DOK5: variants seen among roughly 807,000 people sequenced by gnomAD.
The protein encoded by DOK5 is downstream of tyrosine kinase 5.
DOK5 carries 27 observed loss-of-function variants against 43.3 expected under a neutral mutation model. That is an observed-to-expected ratio of 0.62 (90% CI 0.46 to 0.86). DOK5 has a LOEUF of 0.86. DOK5 is among the 40% of genes least tolerant of loss of function. The pLI, the probability that DOK5 is intolerant of heterozygous loss-of-function variation, is 0.00. For missense variants in DOK5, 373 were observed against 392.9 expected (o/e 0.95, Z 0.43); for synonymous variants, 146 against 140.1 (o/e 1.04, Z -0.30).
chr20:54,556,576 A>G (rs1257750712), intron 2 of DOK5, among the ~76,000 whole-genome samples: 1 of 152,238 alleles, frequency 6.6e-6, no homozygotes, highest in Non-Finnish European at 1.5e-5. Flanking sequence ...TTATAACAAG[A>G]TGGCGAGCAA....
intron 2 of DOK5, among the ~76,000 whole-genome samples, chr20:54,580,243 A>T (rs537235562): frequency 6.6e-6 from 1 of 152,338 alleles, no homozygotes; most frequent in South Asian, 2.1e-4. Flanking sequence ...TTATCCATTT[A>T]TCTGTCAATG....
intron 2 of DOK5, among the ~76,000 whole-genome samples, chr20:54,580,759 T>G (rs561956491): frequency 8.5e-4 from 130 of 152,306 alleles, no homozygotes; most frequent in Non-Finnish European, 1.3e-3. Flanking sequence ...TACGAATTTC[T>G]TATATATTTT....
intron 1 of DOK5, among the ~76,000 whole-genome samples, chr20:54,528,899 G>T (rs1341770204): frequency 6.6e-6 from 1 of 152,186 alleles, no homozygotes; most frequent in African/African-American, 2.4e-5. Flanking sequence ...GAAAACCTAA[G>T]TGGAGTTGTG....
intron 2 of DOK5, among the ~76,000 whole-genome samples, chr20:54,567,054 C>T (rs1056156232): frequency 2.7e-5 from 4 of 150,638 alleles, no homozygotes; most frequent in East Asian, 1.9e-4. Context: ...GGAGTGTGTG[C>T]GTTTGTGTGT....
chr20:54,501,525 A>G (rs1028811966), intron 1 of DOK5, among the ~76,000 whole-genome samples: 2 of 151,268 alleles, frequency 1.3e-5, no homozygotes, highest in Non-Finnish European at 2.9e-5. Flanking sequence ...TAAATCTGGC[A>G]GTGGGCCACA....
chr20:54,646,248 G>GTTTTTTGTTTTTTTTTTTTTTT (rs1979415549), intron 7 of DOK5, among the ~76,000 whole-genome samples: 1 of 79,922 alleles, frequency 1.3e-5, no homozygotes, highest in African/African-American at 5.3e-5. Flanking sequence ...TGGTTATACT[G>GTTTTTTGTTTTTTTTTTTTTTT]TTTTTTTTTT....
At chr20:54,572,636 CT>C (rs1311139405) in intron 2 of DOK5, among the ~76,000 whole-genome samples, 11 of 151,980 alleles carry the variant, frequency 7.2e-5, no homozygotes, top group Admixed American at 1.3e-4. Context: ...ATCATAATAT[CT>C]TTTTTTTAAG....
intron 2 of DOK5, among the ~76,000 whole-genome samples, chr20:54,573,454 G>C (rs572344119): frequency 2.0e-4 from 30 of 152,088 alleles, no homozygotes; most frequent in Non-Finnish European, 4.3e-4. Flanking sequence ...TTGGGAGGCC[G>C]AGGCAGGCAG....
At chr20:54,607,917 AAAACAAAAC>A (rs1295404014) in intron 5 of DOK5, among the ~76,000 whole-genome samples, 1 of 151,898 alleles carries the variant, frequency 6.6e-6, no homozygotes, top group Non-Finnish European at 1.5e-5. Context: ...AAAACAAAAC[AAAACAAAAC>A]AAAGTGGGCA....
At chr20:54,607,955 C>A (rs1381039060) in intron 5 of DOK5, among the ~76,000 whole-genome samples, 1 of 151,876 alleles carries the variant, frequency 6.6e-6, no homozygotes, top group Non-Finnish European at 1.5e-5. Context: ...GAGTGATTTT[C>A]CAAGAGTAAA....
chr20:54,552,569 ATTTAC>A (rs1189479975), intron 1 of DOK5, among the ~76,000 whole-genome samples: 6 of 152,090 alleles, frequency 3.9e-5, no homozygotes, highest in East Asian at 1.9e-4. Flanking sequence ...TATGTGTACC[ATTTAC>A]TTTATATAGC....
chr20:54,629,009 A>G (rs6023429), intron 6 of DOK5, among the ~76,000 whole-genome samples: 66,420 of 152,064 alleles, frequency 0.44, 17,752 homozygotes, highest in African/African-American at 0.74. Context: ...AAGCATACTT[A>G]ATATTCATGA....
intron 1 of DOK5, among the ~76,000 whole-genome samples, chr20:54,516,737 A>C (rs1401512094): frequency 6.6e-6 from 1 of 152,196 alleles, no homozygotes; most frequent in African/African-American, 2.4e-5. Flanking sequence ...TCAACTACTA[A>C]ATAGGTACTA....
At chr20:54,593,827 G>A (rs1187800116) in intron 5 of DOK5, among the ~76,000 whole-genome samples, 1 of 152,204 alleles carries the variant, frequency 6.6e-6, no homozygotes, top group African/African-American at 2.4e-5. Context: ...AAAAAAGAAT[G>A]AATCACGTCC....
At chr20:54,594,948 A>G (rs1253528418) in intron 5 of DOK5, among the ~76,000 whole-genome samples, 1 of 152,230 alleles carries the variant, frequency 6.6e-6, no homozygotes, top group Non-Finnish European at 1.5e-5. Context: ...TAAGTGCTGT[A>G]GGAAACCATA....
At chr20:54,486,222 C>T (rs1285912901) in intron 1 of DOK5, among the ~76,000 whole-genome samples, 1 of 152,100 alleles carries the variant, frequency 6.6e-6, no homozygotes, top group Non-Finnish European at 1.5e-5. Flanking sequence ...GTTACTCCAG[C>T]ACTTTTTTGA....
At position 54,591,619 on chromosome 20, in the gene DOK5, G is replaced by T. The variant is rs745452509; in HGVS notation, c.413G>T (p.Arg138Ile). The change falls in exon 5 of 8, where the codon AGA becomes ATA. Residue 138 changes from arginine to isoleucine, a missense_variant. Arg to Ile is a moderately conservative substitution (Grantham distance 97, BLOSUM62 -3). Coordinates refer to ENST00000262593, the MANE Select transcript of DOK5 (RefSeq NM_018431.5). Reference sequence around the variant, plus strand: ...TAACCTTTTGTTTTTCTCCCAGAGAGATTCAATGTGTATTTGATGCCATCT... The same window carrying T: ...TAACCTTTTGTTTTTCTCCCAGAGATATTCAATGTGTATTTGATGCCATCT... The part of the protein sequence containing the change: ...ATGVEREQSE[R>I]FNVYLMPSPN... 1.3e-6 allele frequency: 2 copies of T among 1,595,292 alleles called. No individual in the cohort carries two copies. The highest frequency in any genetic ancestry group is 2.3e-5 in the South Asian group (2 of 88,146).
At chr20:54,575,692 T>C (rs35717126) in intron 2 of DOK5, among the ~76,000 whole-genome samples, 34,479 of 152,176 alleles carry the variant, frequency 0.23, 4,454 homozygotes, top group African/African-American at 0.35. Context: ...CCACCCACCT[T>C]GGCCTCCCAA....
intron 2 of DOK5, among the ~76,000 whole-genome samples, chr20:54,574,540 A>C (rs1335050841): frequency 2.6e-5 from 4 of 152,162 alleles, no homozygotes; most frequent in Non-Finnish European, 5.9e-5. Context: ...AGGCAGAGTA[A>C]ATTCTAAAGA....
Sources: allele counts gnomAD v4.1 joint callset (sites outside exome capture counted in the v4.1 genomes callset), GRCh38; gene constraint gnomAD v4.1.1; transcripts MANE v1.5; gene names NCBI Gene and HGNC (gene_info 2026-07-23, HGNC 2026-07-21).